The following TACR1 variants were observed in gnomAD, a reference collection of about 807,000 sequenced individuals.
TACR1 encodes substance-P receptor.
In TACR1, 25 loss-of-function variants were observed where a neutral mutation model predicts 35.8. The ratio of observed to expected loss-of-function variants is 0.70; its 90% CI spans 0.51 to 0.98. TACR1 has a LOEUF of 0.98. Among genes scored for constraint, TACR1 ranks in the 50% least tolerant of loss-of-function variants. TACR1 has a pLI of 0.00. For synonymous variants in TACR1, 195 were observed against 206.7 expected (o/e 0.94, Z 0.48); for missense variants, 478 against 522.9 (o/e 0.91, Z 0.84).
At chr2:75,083,536 T>C (rs1186212967) in intron 2 of TACR1, among the ~76,000 whole-genome samples, 8 of 152,354 alleles carry the variant, frequency 5.3e-5, no homozygotes, top group African/African-American at 1.4e-4. Flanking sequence ...ATTTTCGTGA[T>C]ATTGATTCTT....
intron 1 of TACR1, among the ~76,000 whole-genome samples, chr2:75,139,418 T>C (rs1674358179): frequency 6.6e-6 from 1 of 152,198 alleles, no homozygotes; most frequent in Non-Finnish European, 1.5e-5. Flanking sequence ...GCATCTGCAA[T>C]TTTTTGATTA....
At chr2:75,070,144 A>G (rs1001447888) in intron 2 of TACR1, among the ~76,000 whole-genome samples, 10 of 151,856 alleles carry the variant, frequency 6.6e-5, no homozygotes, top group African/African-American at 2.4e-4. Context: ...ATATTATGTC[A>G]TTTATTTTGC....
Position 75,142,430 on chromosome 2 carries a change from C to G in TACR1, c.390-21662G>C, listed in dbSNP as rs569762251. ...TGTTGCCAAACCAGAAACAATTATT[C>G]CTGTCTCTCTTATAAGCTCTTCAGT... On this transcript the variant is annotated intron_variant, in intron 1 of 4. Coordinates refer to ENST00000305249, the MANE Select transcript of TACR1 (RefSeq NM_001058.4). Among the ~76,000 whole-genome samples, 39 of 152,278 alleles carry G rather than the reference C, an allele frequency of 2.6e-4. 1 individual carries two copies. The highest frequency in any genetic ancestry group is 9.4e-4 in the African/African-American group (39 of 41,562).
intron 1 of TACR1, among the ~76,000 whole-genome samples, chr2:75,134,082 G>A (rs1674231234): frequency 6.6e-6 from 1 of 152,166 alleles, no homozygotes; most frequent in African/African-American, 2.4e-5. Flanking sequence ...AAAAGGGGAG[G>A]CATGAATAAT....
intron 2 of TACR1, among the ~76,000 whole-genome samples, chr2:75,066,610 C>T (rs1464231868): frequency 1.3e-5 from 2 of 152,228 alleles, no homozygotes; most frequent in African/African-American, 4.8e-5. Flanking sequence ...TGTATTTCCA[C>T]AGCCTGTTCT....
intron 2 of TACR1, among the ~76,000 whole-genome samples, chr2:75,067,429 T>G (rs1672785661): frequency 6.6e-6 from 1 of 152,146 alleles, no homozygotes; most frequent in Non-Finnish European, 1.5e-5. Context: ...GCTACCCAAT[T>G]TTTCATGAAC....
chr2:75,093,895 C>T (rs1229203638), intron 2 of TACR1, among the ~76,000 whole-genome samples: 5 of 151,988 alleles, frequency 3.3e-5, no homozygotes, highest in East Asian at 1.9e-4. Context: ...GAATTGATCT[C>T]GTTTAAGAGG....
chr2:75,072,307 C>T (rs1398182160), intron 2 of TACR1, among the ~76,000 whole-genome samples: 1 of 152,174 alleles, frequency 6.6e-6, no homozygotes, highest in Non-Finnish European at 1.5e-5. Context: ...AGACCAGCCA[C>T]AAGAAGGCAG....
chr2:75,176,084 C>G (rs1675410881), intron 1 of TACR1, among the ~76,000 whole-genome samples: 1 of 148,262 alleles, frequency 6.7e-6, no homozygotes, highest in South Asian at 2.2e-4. Context: ...ATTGCTACTA[C>G]ATTCTTTTTA....
At chr2:75,051,904 A>T (rs753737022) in intron 3 of TACR1, among the ~76,000 whole-genome samples, 6 of 152,142 alleles carry the variant, frequency 3.9e-5, no homozygotes, top group Non-Finnish European at 5.9e-5. Context: ...AAAGGCCTGG[A>T]ACAGCAGGCT....
At chr2:75,154,450 A>ACACACACTCTCT in intron 1 of TACR1, 2 of 89,176 alleles carry the variant, frequency 2.2e-5, no homozygotes, top group African/African-American at 8.7e-5. Context: ...ACACACACAC[A>ACACACACTCTCT]CTCTGAAGAA....
intron 2 of TACR1, among the ~76,000 whole-genome samples, chr2:75,105,732 G>A (rs893472907): frequency 2.6e-5 from 4 of 151,964 alleles, no homozygotes; most frequent in Non-Finnish European, 4.4e-5. Context: ...CTAATGAGGT[G>A]ACAAGAATGG....
chr2:75,193,723 G>C (rs1254383568), intron 1 of TACR1, among the ~76,000 whole-genome samples: 1 of 151,888 alleles, frequency 6.6e-6, no homozygotes, highest in Non-Finnish European at 1.5e-5. Flanking sequence ...GCCCTATCTT[G>C]AGGTCTTCCT....
chr2:75,145,250 G>A (rs1674483750), intron 1 of TACR1, among the ~76,000 whole-genome samples: 1 of 152,154 alleles, frequency 6.6e-6, no homozygotes, highest in East Asian at 1.9e-4. Context: ...ATTAAATAAA[G>A]TGTATATATT....
chr2:75,053,933 G>A (rs907272075), intron 2 of TACR1, among the ~76,000 whole-genome samples, 178 bp from the exon 3 acceptor site: 2 of 152,178 alleles, frequency 1.3e-5, no homozygotes, highest in South Asian at 4.1e-4. Flanking sequence ...GGGTGGATAG[G>A]TAATACTAAT....
chr2:75,161,111 G>T (rs1310736093), intron 1 of TACR1, among the ~76,000 whole-genome samples: 1 of 150,896 alleles, frequency 6.6e-6, no homozygotes, highest in Non-Finnish European at 1.5e-5. Flanking sequence ...AGATCAGGAA[G>T]TATATTCACA....
intron 1 of TACR1, among the ~76,000 whole-genome samples, chr2:75,171,103 C>T (rs1486564549): frequency 6.6e-6 from 1 of 152,182 alleles, no homozygotes; most frequent in Admixed American, 6.5e-5. Context: ...CACTGCAGCC[C>T]CTCCCATCAC....
intron 2 of TACR1, among the ~76,000 whole-genome samples, chr2:75,115,188 A>G (rs1673826670): frequency 9.9e-6 from 1 of 100,966 alleles, no homozygotes; most frequent in Non-Finnish European, 2.1e-5. Flanking sequence ...TGAAATAAGC[A>G]GATTATAAAA....
At chr2:75,074,245 A>C (rs1176272981) in intron 2 of TACR1, among the ~76,000 whole-genome samples, 2 of 152,206 alleles carry the variant, frequency 1.3e-5, no homozygotes, top group Non-Finnish European at 2.9e-5. Flanking sequence ...AACTGAGGCA[A>C]GTGGCAAGTG....
Sources: allele counts gnomAD v4.1 joint callset (sites outside exome capture counted in the v4.1 genomes callset), GRCh38; gene constraint gnomAD v4.1.1; transcripts MANE v1.5; gene names NCBI Gene and HGNC (gene_info 2026-07-23, HGNC 2026-07-21).